Variants in UTRN observed in about 807,000 individuals in gnomAD.
UTRN encodes utrophin, also known as dystrophin-related protein 1.
In UTRN, 283 loss-of-function variants were observed where a neutral mutation model predicts 463.9. The ratio of observed to expected loss-of-function variants is 0.61; its 90% CI spans 0.55 to 0.67. UTRN has a LOEUF of 0.67. Ranked by LOEUF, UTRN falls within the 30% of genes least tolerant of loss-of-function variation. The pLI, the probability that UTRN is intolerant of heterozygous loss-of-function variation, is 0.00. For missense variants in UTRN, 3,922 were observed against 4,084.3 expected (o/e 0.96, Z 1.08); for synonymous variants, 1,442 against 1,431.5 (o/e 1.01, Z -0.17).
chr6:144,836,330 A>C lies in UTRN; in HGVS notation c.9854A>C (p.Lys3285Thr). Residue 3285 changes from lysine (K) to threonine (T), a missense_variant, in exon 71 of 75, where the codon AAG becomes ACG. Transcript: ENST00000367545. The part of the protein sequence containing the change: ...RNLQVEYEQL[K>T]DQHLRRGLPV... ...CTACAGGTGGAGTATGAGCAGCTGAAGGACCAGCACCTCCGAAGGGGGCTC... is the reference window on the plus strand; with the variant it reads ...CTACAGGTGGAGTATGAGCAGCTGACGGACCAGCACCTCCGAAGGGGGCTC... 6.2e-7 allele frequency: 1 copy of C among 1,614,170 alleles called. No homozygotes were observed. The highest frequency in any genetic ancestry group is 1.1e-5 in the South Asian group (1 of 91,084).
chr6:144,418,292 C>A (rs1219530232), intron 3 of UTRN, among the ~76,000 whole-genome samples: 1 of 149,892 alleles, frequency 6.7e-6, no homozygotes. Flanking sequence ...TGGCTCACTG[C>A]AAGCTCTGCC....
intron 51 of UTRN, among the ~76,000 whole-genome samples, chr6:144,591,291 G>A (rs1803043309): frequency 6.6e-6 from 1 of 152,124 alleles, no homozygotes; most frequent in African/African-American, 2.4e-5. Context: ...GCTTTCAACA[G>A]TGAAGGAGAA....
chr6:144,582,138 G>A (rs541187791), intron 51 of UTRN, among the ~76,000 whole-genome samples: 1 of 152,090 alleles, frequency 6.6e-6, no homozygotes, highest in Non-Finnish European at 1.5e-5. Context: ...CGTTCTGTAA[G>A]ACACAATATA....
chr6:144,365,826 C>T (rs1480892535), intron 2 of UTRN, among the ~76,000 whole-genome samples: 1 of 152,208 alleles, frequency 6.6e-6, no homozygotes, highest in Non-Finnish European at 1.5e-5. Context: ...CAACCTCCGC[C>T]TCCTGGGTTC....
intron 52 of UTRN, among the ~76,000 whole-genome samples, chr6:144,695,310 G>A (rs1457093403): frequency 6.6e-6 from 1 of 151,176 alleles, no homozygotes; most frequent in Non-Finnish European, 1.5e-5. Context: ...TATCTTAAAC[G>A]TTATTTTTCA....
chr6:144,776,923 C>T (rs1196529596), intron 60 of UTRN, among the ~76,000 whole-genome samples: 1 of 152,170 alleles, frequency 6.6e-6, no homozygotes, highest in Non-Finnish European at 1.5e-5. Flanking sequence ...TGTCGATCAC[C>T]TCTCTTTTAA....
At chr6:144,657,289 G>A (rs1779418388) in intron 51 of UTRN, among the ~76,000 whole-genome samples, 1 of 149,366 alleles carries the variant, frequency 6.7e-6, no homozygotes, top group Non-Finnish European at 1.5e-5. Context: ...TGACATCATA[G>A]CTAGATTTGT....
chr6:144,754,322 C>G (rs1045145720), intron 56 of UTRN, among the ~76,000 whole-genome samples: 3 of 152,168 alleles, frequency 2.0e-5, no homozygotes, highest in African/African-American at 7.2e-5. Context: ...GGCACAGATT[C>G]TGGCACTGTA....
intron 65 of UTRN, among the ~76,000 whole-genome samples, chr6:144,805,688 G>C (rs1395758224): frequency 6.9e-6 from 1 of 145,654 alleles, no homozygotes; most frequent in African/African-American, 2.8e-5. Flanking sequence ...CATCAGAGGA[G>C]TAAATGAAGT....
At chr6:144,419,973 GACACACACAC>G (rs60093118) in intron 3 of UTRN, among the ~76,000 whole-genome samples, 2 of 147,912 alleles carry the variant, frequency 1.4e-5, no homozygotes, top group Non-Finnish European at 3.0e-5. Flanking sequence ...CACAGACACA[GACACACACAC>G]ACACACACAC....
intron 3 of UTRN, among the ~76,000 whole-genome samples, chr6:144,416,162 A>G (rs1045250966): frequency 1.3e-5 from 2 of 152,006 alleles, no homozygotes; most frequent in Admixed American, 6.6e-5. Context: ...TTTCACCTAT[A>G]TGTGGTCATG....
Position 144,513,958 on chromosome 6 carries a change from G to T in UTRN, c.4994G>T (p.Ser1665Ile). ...EIFDGNVAHISTWLYQAEALL... is the reference protein window; with the variant it reads ...EIFDGNVAHIITWLYQAEALL... ...TTTGATGGGAACGTGGCTCACATAA[G>T]TACCTGGCTTTATCAAGCTGAAGCT... The change falls in exon 36 of 75, where the codon AGT (serine) becomes ATT (isoleucine). Residue 1665 changes from serine to isoleucine, a missense_variant. Physicochemically the swap from Ser to Ile is moderately radical, Grantham distance 142 (BLOSUM62 -2). Coordinates refer to ENST00000367545, the MANE Select transcript of UTRN (RefSeq NM_007124.3). The T allele has an allele frequency of 6.2e-7, 1 of 1,614,002 alleles. No homozygotes were observed. Among genetic ancestry groups the T allele is most frequent in the South Asian group, 1.1e-5 (1 of 91,076 alleles).
intron 51 of UTRN, among the ~76,000 whole-genome samples, chr6:144,635,535 CTTTTTT>C (rs1219903798): frequency 3.0e-5 from 1 of 33,186 alleles, no homozygotes; most frequent in African/African-American, 1.3e-4. Flanking sequence ...TTTTTCTTTT[CTTTTTT>C]TTTTTTTTTT....
chr6:144,735,204 T>C (rs1315394124), intron 54 of UTRN, among the ~76,000 whole-genome samples: 1 of 152,202 alleles, frequency 6.6e-6, no homozygotes, highest in Non-Finnish European at 1.5e-5. Context: ...TCCTGAGGAT[T>C]CTAAGTGATG....
At chr6:144,621,558 T>C (rs190292274) in intron 51 of UTRN, among the ~76,000 whole-genome samples, 1,618 of 152,310 alleles carry the variant, frequency 0.011, 13 homozygotes, top group Admixed American at 0.015. Context: ...CTCAGATTTG[T>C]ATATTCTCTC....
intron 51 of UTRN, among the ~76,000 whole-genome samples, chr6:144,646,278 A>G (rs948052092): frequency 2.0e-5 from 3 of 152,178 alleles, no homozygotes; most frequent in African/African-American, 7.2e-5. Flanking sequence ...TGATGAGTCA[A>G]CACTGGTTTT....
intron 51 of UTRN, among the ~76,000 whole-genome samples, chr6:144,659,363 G>C (rs1779626751): frequency 6.6e-6 from 1 of 152,194 alleles, no homozygotes; most frequent in African/African-American, 2.4e-5. Context: ...TTACCACACT[G>C]CTGTCAGATC....
chr6:144,514,186 A>C lies in UTRN; in HGVS notation c.5073+149A>C, dbSNP rs984264116. The C allele has an allele frequency of 1.0e-5, 12 of 1,183,150 alleles. No homozygotes were observed. The African/African-American group carries it at 1.9e-4, about 18-fold the overall frequency. 73.3% of individuals were successfully genotyped at this position (1,183,150 alleles called of 1,614,324 possible). On this transcript the variant is annotated intron_variant, in intron 36 of 74. Transcript: ENST00000367545. ...TATTTTGATGGGAGAAACTGAGACA[A>C]TAAGAGACAAAATAAGAGACGAACT... is the stretch of plus-strand genomic sequence containing the variant.
At position 144,442,166 on chromosome 6, in the gene UTRN, G is replaced by T. The variant is rs142033755; in HGVS notation, c.1512+1695G>T. Reference sequence around the variant, plus strand: ...TGCAGCCAGCTTGAATTTCTCCTCAGAAAATGAGATTTTCTTTTCTATTGC... The same window carrying T: ...TGCAGCCAGCTTGAATTTCTCCTCATAAAATGAGATTTTCTTTTCTATTGC... On this transcript the variant is annotated intron_variant, in intron 13 of 74. Coordinates refer to ENST00000367545, the MANE Select transcript of UTRN (RefSeq NM_007124.3). 4.1e-3 allele frequency among the ~76,000 whole-genome samples: 630 copies of T among 152,276 alleles called. 2 individuals are homozygous for T. Among genetic ancestry groups the T allele is most frequent in the Non-Finnish European group, 7.4e-3 (501 of 68,016 alleles).
Sources: allele counts gnomAD v4.1 joint callset (sites outside exome capture counted in the v4.1 genomes callset), GRCh38; gene constraint gnomAD v4.1.1; transcripts MANE v1.5; gene names NCBI Gene and HGNC (gene_info 2026-07-23, HGNC 2026-07-21).